Variants in ULK4 observed in about 807,000 individuals in gnomAD.
The protein encoded by ULK4 is inactive serine/threonine-protein kinase ULK4.
ULK4 carries 133 observed loss-of-function variants against 160.6 expected under a neutral mutation model. The observed-to-expected ratio is 0.83, with a 90% confidence interval of 0.72 to 0.96. ULK4 has a LOEUF of 0.96. ULK4 is among the 40% of genes least tolerant of loss of function. ULK4 has a pLI of 0.00. For synonymous variants in ULK4, 534 were observed against 539.8 expected, an observed-to-expected ratio of 0.99 and a Z score of 0.15; for missense variants, 1,580 against 1,499.5, an observed-to-expected ratio of 1.05 and a Z score of -0.89.
intron 18 of ULK4, among the ~76,000 whole-genome samples, chr3:41,827,562 A>C (rs1460193672): frequency 6.6e-6 from 1 of 152,106 alleles, no homozygotes; most frequent in Non-Finnish European, 1.5e-5. Flanking sequence ...AAATGGATAA[A>C]TTCCTCGACA....
chr3:41,933,844 G>C (rs1699674622), intron 4 of ULK4, among the ~76,000 whole-genome samples: 1 of 152,122 alleles, frequency 6.6e-6, no homozygotes, highest in African/African-American at 2.4e-5. Flanking sequence ...GAGGTCAGGA[G>C]TTTGAGACCA....
At position 41,368,534 on chromosome 3, in the gene ULK4, T is replaced by C. The variant is rs77167421; in HGVS notation, c.3678+29545A>G. Among the ~76,000 whole-genome samples, 75 of 152,314 alleles carry C rather than the reference T, an allele frequency of 4.9e-4. 1 individual carries two copies. The highest frequency in any genetic ancestry group is 1.8e-3 in the African/African-American group (74 of 41,566). ...TAGCAGTCACACCCATTCCCCTCTC[T>C]CTATAGCCTCCAGCAACCACAATCT... On this transcript the variant is annotated intron_variant, in intron 35 of 36. Transcript: ENST00000301831.
At chr3:41,764,534 T>C (rs1325244759) in intron 21 of ULK4, among the ~76,000 whole-genome samples, 1 of 152,172 alleles carries the variant, frequency 6.6e-6, no homozygotes, top group Non-Finnish European at 1.5e-5. Context: ...TGTTCAAGAC[T>C]ATCCTGGGCA....
chr3:41,816,559 G>A (rs1214922872), intron 19 of ULK4, among the ~76,000 whole-genome samples: 1 of 152,150 alleles, frequency 6.6e-6, no homozygotes, highest in Non-Finnish European at 1.5e-5. Context: ...GCTGGCGCCT[G>A]TAATCCCAAC....
chr3:41,646,669 T>C (rs1049122519), intron 30 of ULK4, among the ~76,000 whole-genome samples: 3 of 152,210 alleles, frequency 2.0e-5, no homozygotes, highest in African/African-American at 4.8e-5. Context: ...CAATTATGTG[T>C]CTTGGAGTTG....
intron 31 of ULK4, among the ~76,000 whole-genome samples, chr3:41,572,235 C>T (rs747756228): frequency 6.6e-6 from 1 of 152,088 alleles, no homozygotes; most frequent in Non-Finnish European, 1.5e-5. Flanking sequence ...GGGCAGAGTG[C>T]CAGGGTCACC....
chr3:41,700,248 C>T (rs2036628958), intron 27 of ULK4, among the ~76,000 whole-genome samples: 1 of 152,134 alleles, frequency 6.6e-6, no homozygotes, highest in African/African-American at 2.4e-5. Flanking sequence ...GAGTTGAGAC[C>T]ATGAGAGCAT....
intron 22 of ULK4, among the ~76,000 whole-genome samples, chr3:41,722,264 A>G (rs1009417725): frequency 6.6e-6 from 1 of 152,168 alleles, no homozygotes; most frequent in African/African-American, 2.4e-5. Context: ...CACTCTCTGA[A>G]TCATGAATCA....
At chr3:41,690,494 A>T (rs1318696102) in intron 27 of ULK4, among the ~76,000 whole-genome samples, 1 of 151,626 alleles carries the variant, frequency 6.6e-6, no homozygotes, top group Non-Finnish European at 1.5e-5. Context: ...CTTTTCTCAC[A>T]GGCCTTCTTC....
chr3:41,526,464 T>A (rs886139680), intron 32 of ULK4, among the ~76,000 whole-genome samples: 1 of 152,238 alleles, frequency 6.6e-6, no homozygotes, highest in Admixed American at 6.5e-5. Context: ...ATGTGCTTCC[T>A]GAGATCACTT....
chr3:41,898,403 C>T (rs778234537), intron 14 of ULK4, 29 bp downstream of exon 14: 2 of 1,413,418 alleles, frequency 1.4e-6, no homozygotes, highest in South Asian at 2.6e-5. Context: ...AAAGAGTCTA[C>T]ATGTTCGATA....
chr3:41,351,933 C>G (rs2125762244), intron 35 of ULK4, among the ~76,000 whole-genome samples: 1 of 152,268 alleles, frequency 6.6e-6, no homozygotes, highest in South Asian at 2.1e-4. Flanking sequence ...ACTGGTTCAG[C>G]AAGTGGGACT....
At chr3:41,429,205 A>T (rs1318277955) in intron 34 of ULK4, among the ~76,000 whole-genome samples, 1 of 152,220 alleles carries the variant, frequency 6.6e-6, no homozygotes, top group Non-Finnish European at 1.5e-5. Context: ...GTGACTTACC[A>T]TCTCATGCCA....
intron 32 of ULK4, among the ~76,000 whole-genome samples, chr3:41,508,585 C>T (rs540099478): frequency 1.3e-5 from 2 of 152,286 alleles, no homozygotes; most frequent in African/African-American, 4.8e-5. Flanking sequence ...CCCCTGCTAC[C>T]TCCACCAGAG....
intron 32 of ULK4, among the ~76,000 whole-genome samples, chr3:41,557,347 T>C (rs1238531921): frequency 6.6e-6 from 1 of 151,674 alleles, no homozygotes; most frequent in Non-Finnish European, 1.5e-5. Flanking sequence ...CATCATTATT[T>C]ACAATTATTA....
intron 30 of ULK4, among the ~76,000 whole-genome samples, chr3:41,624,934 T>G (rs940187887): frequency 2.6e-5 from 4 of 152,222 alleles, no homozygotes; most frequent in African/African-American, 9.6e-5. Context: ...AAGGTGGACT[T>G]TCTAAGTGCT....
At position 41,773,065 on chromosome 3, in the gene ULK4, A is replaced by G. The variant is rs147362275; in HGVS notation, c.2193+16596T>C. The stretch of plus-strand genomic sequence containing the variant: ...TCAATAAATTAGGTACTGATGGGAC[A>G]TATCTCGAAATAATAAGAGCTATCT... On this transcript the variant is annotated intron_variant, in intron 21 of 36. Transcript: ENST00000301831. Among the ~76,000 whole-genome samples the G allele has an allele frequency of 4.2e-3, 646 of 152,058 alleles. 3 individuals are homozygous for G. Among genetic ancestry groups the G allele is most frequent in the African/African-American group, 0.014 (570 of 41,528 alleles).
chr3:41,705,795 T>C (rs962150780), intron 25 of ULK4, among the ~76,000 whole-genome samples: 2 of 152,158 alleles, frequency 1.3e-5, no homozygotes, highest in African/African-American at 4.8e-5. Context: ...ATCAATGAGA[T>C]TTAATGTTGG....
intron 35 of ULK4, among the ~76,000 whole-genome samples, chr3:41,308,954 T>C (rs1219573007): frequency 1.3e-5 from 2 of 152,212 alleles, no homozygotes; most frequent in Admixed American, 6.5e-5. Flanking sequence ...CCAACATTCA[T>C]TGAATAAAAG....
Sources: allele counts gnomAD v4.1 joint callset (sites outside exome capture counted in the v4.1 genomes callset), GRCh38; gene constraint gnomAD v4.1.1; transcripts MANE v1.5; gene names NCBI Gene and HGNC (gene_info 2026-07-23, HGNC 2026-07-21).